Variants in TSHZ2 observed in about 807,000 individuals in gnomAD.
The protein encoded by TSHZ2 is teashirt zinc finger homeobox 2.
Under a neutral mutation model 74.4 loss-of-function variants are expected in TSHZ2, and 21 were observed. The observed-to-expected ratio is 0.28, with a 90% CI of 0.20 to 0.41. TSHZ2 has a LOEUF of 0.41. Among genes scored for constraint, TSHZ2 ranks in the 10% least tolerant of loss-of-function variants. The pLI is 1.00. For synonymous variants in TSHZ2, 540 were observed against 515.3 expected, an observed-to-expected ratio of 1.05 and a Z score of -0.65; for missense variants, 1,244 against 1,293.5, an observed-to-expected ratio of 0.96 and a Z score of 0.59.
At chr20:53,327,517 G>A (rs1979544942) in intron 2 of TSHZ2, among the ~76,000 whole-genome samples, 1 of 152,132 alleles carries the variant, frequency 6.6e-6, no homozygotes, top group Non-Finnish European at 1.5e-5. Flanking sequence ...CAAATGCATT[G>A]GTCCAAAACC....
intron 1 of TSHZ2, among the ~76,000 whole-genome samples, chr20:53,046,964 G>A (rs1212187952): frequency 6.6e-6 from 1 of 152,194 alleles, no homozygotes; most frequent in Non-Finnish European, 1.5e-5. Context: ...TAAGGAGAGG[G>A]CAGAGTCTCA....
rs774071005 is a variant in TSHZ2 at position 53,370,411 on chromosome 20, T to C, written c.*8+113840T>C. ...CAAATTTTTCAAAAAGAAACAGAAA[T>C]CATGGTTTTTATGTTAAATCTCTCC... On this transcript the variant is annotated intron_variant, in intron 2 of 2. Coordinates refer to ENST00000371497, the MANE Select transcript of TSHZ2 (RefSeq NM_173485.6). Among the ~76,000 whole-genome samples the C allele has an allele frequency of 3.2e-4, 48 of 152,220 alleles. No individual in the cohort carries two copies. The South Asian group carries it at 3.3e-3, about 11-fold the overall frequency.
intron 2 of TSHZ2, among the ~76,000 whole-genome samples, chr20:53,411,119 G>C (rs1210802926): frequency 2.6e-5 from 4 of 152,262 alleles, no homozygotes; most frequent in African/African-American, 9.6e-5. Context: ...GCATTTTGGG[G>C]GTATCTTCTT....
chr20:53,221,066 TC>T (rs1278144157), intron 1 of TSHZ2, among the ~76,000 whole-genome samples: 3 of 152,206 alleles, frequency 2.0e-5, no homozygotes, highest in African/African-American at 7.2e-5. Context: ...AGGGGTGGTT[TC>T]CCCCATTCTG....
intron 2 of TSHZ2, among the ~76,000 whole-genome samples, chr20:53,263,766 C>T (rs1273494392): frequency 6.6e-6 from 1 of 152,186 alleles, no homozygotes; most frequent in African/African-American, 2.4e-5. Context: ...GGTAACCCCA[C>T]TAGGACTTTG....
chr20:53,236,098 G>T (rs1004721705), intron 1 of TSHZ2, among the ~76,000 whole-genome samples: 2 of 152,174 alleles, frequency 1.3e-5, no homozygotes, highest in African/African-American at 2.4e-5. Flanking sequence ...CTTAGCTCAG[G>T]TTAACCATGT....
intron 1 of TSHZ2, among the ~76,000 whole-genome samples, chr20:52,996,905 A>G (rs1020045781): frequency 6.6e-6 from 1 of 152,140 alleles, no homozygotes; most frequent in Non-Finnish European, 1.5e-5. Flanking sequence ...GTAGCTCCTC[A>G]CTACTGTGTT....
At chr20:53,241,745 C>A (rs898481047) in intron 1 of TSHZ2, among the ~76,000 whole-genome samples, 1 of 152,074 alleles carries the variant, frequency 6.6e-6, no homozygotes, top group Admixed American at 6.6e-5. Context: ...TCAAAATGAT[C>A]TTTGAGGCAG....
chr20:53,438,868 C>T (rs1037683923), intron 2 of TSHZ2, among the ~76,000 whole-genome samples: 1 of 152,078 alleles, frequency 6.6e-6, no homozygotes, highest in Non-Finnish European at 1.5e-5. Flanking sequence ...ACTGAGGCTG[C>T]GGAATCGCTT....
intron 1 of TSHZ2, among the ~76,000 whole-genome samples, chr20:53,123,680 TA>T (rs1418751298): frequency 7.3e-6 from 1 of 136,460 alleles, no homozygotes; most frequent in Non-Finnish European, 1.5e-5. Flanking sequence ...AAGATACAAG[TA>T]AGTTAGCCGG....
At chr20:52,992,435 C>G (rs1023700639) in intron 1 of TSHZ2, among the ~76,000 whole-genome samples, 1 of 152,194 alleles carries the variant, frequency 6.6e-6, no homozygotes, top group Non-Finnish European at 1.5e-5. Flanking sequence ...AGCAGGCTAG[C>G]AATCGTAAGA....
At chr20:53,475,806 AT>A (rs1319039542) in intron 2 of TSHZ2, among the ~76,000 whole-genome samples, 5 of 139,928 alleles carry the variant, frequency 3.6e-5, no homozygotes, top group Non-Finnish European at 7.7e-5. Flanking sequence ...AATAGACGCA[AT>A]AAAAAATGAC....
intron 2 of TSHZ2, among the ~76,000 whole-genome samples, chr20:53,419,807 G>A (rs1983402759): frequency 6.6e-6 from 1 of 152,212 alleles, no homozygotes; most frequent in Non-Finnish European, 1.5e-5. Flanking sequence ...CCTTGCTGGG[G>A]CAGAAGGGGC....
intron 1 of TSHZ2, among the ~76,000 whole-genome samples, chr20:53,220,024 A>G (rs925813023): frequency 1.3e-5 from 2 of 152,216 alleles, no homozygotes; most frequent in African/African-American, 4.8e-5. Flanking sequence ...TGAACAAGCT[A>G]AGGTGAAGCC....
intron 2 of TSHZ2, among the ~76,000 whole-genome samples, chr20:53,327,683 A>G (rs1372771165): frequency 2.0e-5 from 3 of 152,216 alleles, no homozygotes; most frequent in Non-Finnish European, 4.4e-5. Flanking sequence ...AGGGCTGGGA[A>G]ATCATCAGTG....
At position 53,380,074 on chromosome 20, in the gene TSHZ2, T is replaced by G. The variant is rs139572024; in HGVS notation, c.*9-107070T>G. On this transcript the variant is annotated intron_variant, in intron 2 of 2. Coordinates refer to ENST00000371497, the MANE Select transcript of TSHZ2 (RefSeq NM_173485.6). The stretch of plus-strand genomic sequence containing the variant: ...TACCCAGCGAAAGTAATTTAAGGCA[T>G]TTCAGCCTCAATGTCACCAACTTCA... 6.9e-3 allele frequency among the ~76,000 whole-genome samples: 1,056 copies of G among 152,292 alleles called. 6 individuals carry two copies. Among genetic ancestry groups the G allele is most frequent in the Middle Eastern group, 0.041 (12 of 294 alleles).
intron 2 of TSHZ2, among the ~76,000 whole-genome samples, chr20:53,314,869 G>T (rs1978936310): frequency 6.6e-6 from 1 of 152,090 alleles, no homozygotes. Flanking sequence ...TGATCAGCCT[G>T]CCTCAGCCTC....
At chr20:53,177,625 TA>T (rs1479911154) in intron 1 of TSHZ2, among the ~76,000 whole-genome samples, 5 of 152,218 alleles carry the variant, frequency 3.3e-5, no homozygotes, top group Non-Finnish European at 5.9e-5. Context: ...AAAAAGATAT[TA>T]AAAATTATAT....
intron 1 of TSHZ2, among the ~76,000 whole-genome samples, chr20:53,021,596 A>G (rs1291743594): frequency 6.6e-6 from 1 of 152,208 alleles, no homozygotes; most frequent in Non-Finnish European, 1.5e-5. Context: ...CTTACGATAA[A>G]TATGCATCTC....
Sources: gnomAD v4.1 joint callset for allele counts (sites outside exome capture counted in the v4.1 genomes callset) on GRCh38, gnomAD v4.1.1 for gene constraint, MANE v1.5 for transcripts, NCBI Gene and HGNC (gene_info 2026-07-23, HGNC 2026-07-21) for gene names.